ACP3: variants seen among roughly 807,000 people sequenced by gnomAD.
ACP3 encodes acid phosphatase 3, also known as prostatic acid phosphatase.
Under a neutral mutation model 45.6 loss-of-function variants are expected in ACP3, and 38 were observed. The ratio of observed to expected loss-of-function variants is 0.83; its 90% CI spans 0.64 to 1.09. The LOEUF is 1.09. ACP3 is among the 50% of genes least tolerant of loss of function. The pLI, the probability that ACP3 is intolerant of heterozygous loss-of-function variation, is 0.00. For missense variants in ACP3, 466 were observed against 463.2 expected (o/e 1.01, Z -0.05); for synonymous variants, 162 against 164.7 (o/e 0.98, Z 0.13).
exon 11 of ACP3, chr3:132,367,719 T>C: frequency 6.2e-7 from 1 of 1,612,160 alleles, no homozygotes; most frequent in Non-Finnish European, 8.5e-7. Context: ...AAGGTCATCT[T>C]TGCTGTTGCC....
chr3:132,364,300 A>G (rs1201034996), intron 10 of ACP3, among the ~76,000 whole-genome samples: 2 of 152,154 alleles, frequency 1.3e-5, no homozygotes, highest in East Asian at 3.9e-4. Context: ...GTGAGCAGTG[A>G]TTGCACCACT....
At chr3:132,348,786 C>T (rs1937650485) in intron 7 of ACP3, among the ~76,000 whole-genome samples, 1 of 152,106 alleles carries the variant, frequency 6.6e-6, no homozygotes, top group South Asian at 2.1e-4. Flanking sequence ...AGAGCAGATA[C>T]CTACCTCCTT....
intron 7 of ACP3, among the ~76,000 whole-genome samples, chr3:132,346,076 C>A (rs1042434947): frequency 6.6e-6 from 1 of 152,172 alleles, no homozygotes; most frequent in Non-Finnish European, 1.5e-5. Context: ...CATTGACAGA[C>A]ACTATTCACC....
At chr3:132,344,662 T>A (rs1156873771) in intron 6 of ACP3, among the ~76,000 whole-genome samples, 1 of 152,172 alleles carries the variant, frequency 6.6e-6, no homozygotes, top group East Asian at 1.9e-4. Context: ...TACTGCACCC[T>A]TACTCTGCAA....
chr3:132,346,439 G>A (rs1051764785), intron 7 of ACP3, among the ~76,000 whole-genome samples: 2 of 152,216 alleles, frequency 1.3e-5, no homozygotes, highest in African/African-American at 4.8e-5. Context: ...ATGGCACAGA[G>A]ACAGACTTGA....
intron 6 of ACP3, among the ~76,000 whole-genome samples, chr3:132,343,700 G>T (rs1450674523): frequency 1.3e-5 from 2 of 152,042 alleles, no homozygotes; most frequent in Non-Finnish European, 2.9e-5. Context: ...TTTGAAACTG[G>T]GGGACTCCTA....
chr3:132,357,741 A>C lies in ACP3; in HGVS notation c.*863A>C. The C allele has an allele frequency of 1.0e-6, 1 of 985,372 alleles. No individual in the cohort carries two copies. Among genetic ancestry groups the C allele is most frequent in the Non-Finnish European group, 1.2e-6 (1 of 829,910 alleles). 61.0% of individuals were successfully genotyped at this position (985,372 alleles called of 1,614,324 possible). Reference sequence around the variant, plus strand: ...CAGTGATAAGAGATGTTGACTCTAAAGTTGATTTAAGGCCAGGCATGGTGG... The same window carrying C: ...CAGTGATAAGAGATGTTGACTCTAACGTTGATTTAAGGCCAGGCATGGTGG... On this transcript the variant is annotated 3_prime_UTR_variant, in exon 10 of 10. Coordinates refer to ENST00000336375, the MANE Select transcript of ACP3 (RefSeq NM_001099.5).
chr3:132,355,510 T>TTTTATTTTATTTTTA, intron 9 of ACP3, among the ~76,000 whole-genome samples: 1 of 50,826 alleles, frequency 2.0e-5, no homozygotes, highest in South Asian at 7.7e-4. Context: ...TTTTATTTTA[T>TTTTATTTTATTTTTA]TTTTATTTTA....
rs774465017 is a variant in ACP3, at chr3:132,328,295, T to C, written c.149T>C (p.Ile50Thr). 6 of 1,613,790 alleles carry C rather than the reference T, an allele frequency of 3.7e-6. No homozygotes were observed. Among genetic ancestry groups the C allele is most frequent in the Non-Finnish European group, 5.1e-6 (6 of 1,179,874 alleles). ...TTTCGGCATGGAGACCGAAGTCCCA[T>C]TGACACCTTTCCCACTGACCCCATA... ...LVFRHGDRSPIDTFPTDPIKE... is the reference protein window; with the variant it reads ...LVFRHGDRSPTDTFPTDPIKE... The change falls in exon 2 of 10, where the codon ATT becomes ACT. Residue 50 changes from isoleucine (I) to threonine (T), a missense_variant. Transcript: ENST00000336375.
chr3:132,340,825 A>T (rs897317724), intron 5 of ACP3, among the ~76,000 whole-genome samples: 2 of 152,090 alleles, frequency 1.3e-5, no homozygotes, highest in Non-Finnish European at 2.9e-5. Context: ...GTCATCCCTC[A>T]TTGCTTTTTC....
intron 1 of ACP3, among the ~76,000 whole-genome samples, chr3:132,319,889 TC>T (rs879362204): frequency 1.1e-4 from 17 of 152,322 alleles, no homozygotes; most frequent in Admixed American, 1.0e-3. Flanking sequence ...TTGCTTTTCC[TC>T]TGTGATCCGA....
Position 132,332,220 on chromosome 3 carries a change from G to A in ACP3, c.332G>A (p.Arg111Gln), listed in dbSNP as rs745636621. 112 of 1,613,962 alleles carry A rather than the reference G, an allele frequency of 6.9e-5. No individual in the cohort carries two copies. Among genetic ancestry groups the A allele is most frequent in the African/African-American group, 9.3e-5 (7 of 74,898 alleles). Residue 111 changes from arginine (R) to glutamine (Q), a missense_variant, in exon 4 of 10, where the codon CGG becomes CAG. Coordinates refer to ENST00000336375, the MANE Select transcript of ACP3 (RefSeq NM_001099.5). Reference protein sequence around the residue: ...QVYIRSTDVDRTLMSAMTNLA... With the variant: ...QVYIRSTDVDQTLMSAMTNLA... ...TATATTCGAAGCACAGACGTTGACC[G>A]GACTTTGATGAGTGCTATGACAAAC...
rs149072188 is a variant in ACP3 at position 132,336,217 on chromosome 3, G to A, written c.457-1239G>A. 7.0e-3 allele frequency among the ~76,000 whole-genome samples: 1,058 copies of A among 152,180 alleles called. 46 individuals carry two copies. In the East Asian group the frequency reaches 0.12, roughly 17 times the overall value. On this transcript the variant is annotated intron_variant, in intron 4 of 9. Coordinates refer to ENST00000336375, the MANE Select transcript of ACP3 (RefSeq NM_001099.5). ...AGAGCTTGCAATGAGCCGAGATCGC[G>A]CCACTGCACTCCAGCCTGGGTGACA...
At position 132,339,238 on chromosome 3, in the gene ACP3, A is replaced by G. The variant is rs74521863; in HGVS notation, c.555+1684A>G. ...TTCTGTCTGTGATATTTTGTGTGTG[A>G]AAAAAAACACACTCAATGTGTTTTT... On this transcript the variant is annotated intron_variant, in intron 5 of 9. Transcript: ENST00000336375. 4.4e-5 allele frequency among the ~76,000 whole-genome samples: 6 copies of G among 136,466 alleles called. No individual in the cohort carries two copies. In the South Asian group the frequency reaches 9.3e-4, roughly 21 times the overall value. 89.5% of individuals were successfully genotyped at this position (136,466 alleles called of 152,430 possible). A position where few individuals can be genotyped will look rare whatever the true frequency, so the allele number is the denominator to read the frequency against.
intron 8 of ACP3, 91 bp downstream of exon 8, chr3:132,350,093 C>A: frequency 1.2e-6 from 1 of 861,228 alleles, no homozygotes. Context: ...TCTTCATTTC[C>A]CCATCTCCTT....
intron 1 of ACP3, among the ~76,000 whole-genome samples, chr3:132,325,102 G>A (rs745864001): frequency 2.0e-5 from 3 of 152,220 alleles, no homozygotes; most frequent in Non-Finnish European, 4.4e-5. Flanking sequence ...CAGTTAAGAA[G>A]ATTGCTCTAC....
intron 7 of ACP3, among the ~76,000 whole-genome samples, chr3:132,345,283 G>C (rs1477428434): frequency 6.6e-6 from 1 of 152,114 alleles, no homozygotes; most frequent in Non-Finnish European, 1.5e-5. Context: ...AACAGTACCT[G>C]GTACATAATA....
Position 132,328,302 on chromosome 3 carries a change from C to A in ACP3, c.156C>A (p.Thr52=), listed in dbSNP as rs772008636. The A allele has an allele frequency of 1.9e-5, 30 of 1,613,882 alleles. No homozygotes were observed. The highest frequency in any genetic ancestry group is 2.5e-5 in the Non-Finnish European group (30 of 1,179,902). Residue 52 remains threonine (T), a synonymous_variant, in exon 2 of 10, where the codon ACC becomes ACA. Coordinates refer to ENST00000336375, the MANE Select transcript of ACP3 (RefSeq NM_001099.5). ...ATGGAGACCGAAGTCCCATTGACACCTTTCCCACTGACCCCATAAAGGAAT... is the reference window on the plus strand; with the variant it reads ...ATGGAGACCGAAGTCCCATTGACACATTTCCCACTGACCCCATAAAGGAAT... ...FRHGDRSPID[T]FPTDPIKESS...
At chr3:132,345,213 T>C (rs1937596215) in intron 7 of ACP3, among the ~76,000 whole-genome samples, 154 bp downstream of exon 7, 1 of 152,244 alleles carries the variant, frequency 6.6e-6, no homozygotes, top group African/African-American at 2.4e-5. Context: ...ATATTAATGA[T>C]ACCTACTTCA....
Sources: gnomAD v4.1 joint callset for allele counts (sites outside exome capture counted in the v4.1 genomes callset) on GRCh38, gnomAD v4.1.1 for gene constraint, MANE v1.5 for transcripts, NCBI Gene and HGNC (gene_info 2026-07-23, HGNC 2026-07-21) for gene names.